AKAP9: variants seen among roughly 807,000 people sequenced by gnomAD.
The protein encoded by AKAP9 is A-kinase anchor protein 9.
In AKAP9, 311 loss-of-function variants were observed where a neutral mutation model predicts 488.5. The observed-to-expected ratio is 0.64, with a 90% CI of 0.58 to 0.70. AKAP9 has a LOEUF of 0.70. Among genes scored for constraint, AKAP9 ranks in the 30% least tolerant of loss-of-function variants. AKAP9 has a pLI of 0.00. For missense variants in AKAP9, 4,215 were observed against 4,374.5 expected (o/e 0.96, Z 1.03); for synonymous variants, 1,462 against 1,483.5 (o/e 0.99, Z 0.33).
intron 45 of AKAP9, 49 bp downstream of exon 45, chr7:92,101,105 C>T: frequency 2.5e-6 from 4 of 1,569,166 alleles, no homozygotes; most frequent in African/African-American, 2.7e-5. Context: ...TATGTTTTTG[C>T]CTTCTTTCAT....
intron 11 of AKAP9, 86 bp from the exon 12 acceptor site, chr7:92,016,931 G>A: frequency 9.3e-7 from 1 of 1,069,648 alleles, no homozygotes; most frequent in Non-Finnish European, 1.4e-6. Context: ...ATTTTTTTAA[G>A]TTATAAATAG....
chr7:92,036,566 T>C (rs1805237393), intron 16 of AKAP9, among the ~76,000 whole-genome samples: 1 of 152,240 alleles, frequency 6.6e-6, no homozygotes, highest in African/African-American at 2.4e-5. Context: ...GTGAAATAGT[T>C]CCTTTCCATT....
intron 26 of AKAP9, 84 bp from the exon 27 acceptor site, chr7:92,069,946 T>G (rs1316002230): frequency 7.2e-6 from 9 of 1,256,536 alleles, no homozygotes; most frequent in Non-Finnish European, 1.0e-5. Context: ...ATTGTAGATA[T>G]CCAAAATGAG....
chr7:91,985,290 C>G (rs960342519), intron 3 of AKAP9, among the ~76,000 whole-genome samples: 1 of 152,262 alleles, frequency 6.6e-6, no homozygotes, highest in South Asian at 2.1e-4. Flanking sequence ...TACCTCCCAT[C>G]AATACCTAGT....
rs779004603 is a variant in AKAP9, at chr7:91,980,319, G to T, written c.337G>T (p.Asp113Tyr). 1.3e-6 allele frequency: 2 copies of T among 1,580,928 alleles called. No individual in the cohort carries two copies. Among genetic ancestry groups the T allele is most frequent in the Non-Finnish European group, 1.7e-6 (2 of 1,155,978 alleles). Residue 113 changes from aspartate (D) to tyrosine (Y), a missense_variant, in exon 3 of 50, where the codon GAC becomes TAC. Physicochemically the swap from Asp to Tyr is radical, Grantham distance 160. This residue lies in a region of AKAP9 where 2,361 missense variants were observed against 2,430.0 expected (regional missense o/e 0.97). Coordinates refer to ENST00000356239, the MANE Select transcript of AKAP9 (RefSeq NM_005751.5). ...LESEISTTAD[D>Y]CSSEVNGCSF... ...AAGTGAAATTTCAACCACAGCAGAT[G>T]ACTGCAGTTCAGAGGTAAGACTAAA...
In AKAP9 at chr7:92,070,021, A is replaced by G. The variant is rs768877702; in HGVS notation, c.6331-9A>G. The G allele has an allele frequency of 8.1e-6, 13 of 1,609,466 alleles. No homozygotes were observed. Among genetic ancestry groups the G allele is most frequent in the Middle Eastern group, 1.7e-4 (1 of 5,982 alleles). ...TTTTAAATTAAATTTTTTGCCTCTT[A>G]TATTTCAGGTTGAACAGTTAGCAAA... On this transcript the variant is annotated splice_polypyrimidine_tract_variant and intron_variant, in intron 26 of 49. Coordinates refer to ENST00000356239, the MANE Select transcript of AKAP9 (RefSeq NM_005751.5).
At position 92,038,476 on chromosome 7, in the gene AKAP9, G is replaced by A. The variant is rs376262014; in HGVS notation, c.4396G>A (p.Gly1466Arg). Residue 1466 changes from glycine (G) to arginine (R), a missense_variant, in exon 17 of 50, where the codon GGG becomes AGG. Transcript: ENST00000356239. ...ACAAACTGAACTGTCTAGAATATCT[G>A]GGGGAAAAGAAAATACTGCATCATC... is the stretch of plus-strand genomic sequence containing the variant. ...AQQTELSRISGGKENTASSKQ... is the reference protein window; with the variant it reads ...AQQTELSRISRGKENTASSKQ... The A allele has an allele frequency of 1.2e-5, 19 of 1,613,752 alleles. No individual in the cohort carries two copies. The highest frequency in any genetic ancestry group is 1.6e-5 in the Non-Finnish European group (19 of 1,179,916).
chr7:92,024,873 A>G (rs930202968), intron 14 of AKAP9, among the ~76,000 whole-genome samples: 6 of 152,158 alleles, frequency 3.9e-5, no homozygotes, highest in Admixed American at 6.5e-5. Context: ...TTTGAAACCT[A>G]CATATGGGCT....
At chr7:92,089,336 A>G (rs1257786086) in intron 37 of AKAP9, 49 bp from the exon 38 acceptor site, 2 of 1,599,768 alleles carry the variant, frequency 1.3e-6, no homozygotes, top group East Asian at 2.2e-5. Context: ...TGTTAATTGT[A>G]TTGCCTTTAC....
chr7:91,983,501 G>T (rs978273070), intron 3 of AKAP9, among the ~76,000 whole-genome samples: 8 of 152,080 alleles, frequency 5.3e-5, no homozygotes, highest in East Asian at 1.9e-4. Flanking sequence ...GAATAGTGCC[G>T]CAATAAACAT....
At position 92,038,763 on chromosome 7, in the gene AKAP9, T is replaced by C. The variant is rs1554426964; in HGVS notation, c.4683T>C (p.Val1561=). 12 of 1,601,186 alleles carry C rather than the reference T, an allele frequency of 7.5e-6. No individual in the cohort carries two copies. The South Asian group carries it at 1.1e-4, about 15-fold the overall frequency. ...TCTCCAAAGATAAAACATTTATAGT[T>C]AGACAGTCTGTAAGTATGCCTCCTT... ...EMFSKDKTFI[V]RQSIHDEISV... Residue 1561 remains valine (V), a synonymous_variant, in exon 17 of 50, where the codon GTT becomes GTC. Transcript: ENST00000356239.
At position 92,002,946 on chromosome 7, in the gene AKAP9, A is replaced by G; in HGVS notation, c.3029A>G (p.Gln1010Arg). Residue 1010 changes from glutamine (Q) to arginine (R), a missense_variant, in exon 8 of 50, where the codon CAG becomes CGG. Transcript: ENST00000356239. ...AACCACAACAGGGCAGAAAATGTAC[A>G]GTCATGTGATACTCAAGTAAGCTCT... ...IINHNRAENV[Q>R]SCDTQVSSLL... 10 of 1,611,966 alleles carry G rather than the reference A, an allele frequency of 6.2e-6. No individual in the cohort carries two copies. Among genetic ancestry groups the G allele is most frequent in the Non-Finnish European group, 8.5e-6 (10 of 1,179,344 alleles).
At position 92,016,653 on chromosome 7, in the gene AKAP9, T is replaced by C. The variant is rs369142603; in HGVS notation, c.3752-364T>C. Among the ~76,000 whole-genome samples the C allele has an allele frequency of 3.3e-5, 5 of 152,182 alleles. 1 individual carries two copies. Among genetic ancestry groups the C allele is most frequent in the Non-Finnish European group, 1.5e-5 (1 of 67,934 alleles). ...GATAAACATTAAGAAATAAAAAATA[T>C]ATTAGTATCTTTCTTAATATAGATC... On this transcript the variant is annotated intron_variant, in intron 11 of 49. Transcript: ENST00000356239.
intron 40 of AKAP9, among the ~76,000 whole-genome samples, chr7:92,096,242 A>G (rs1391458062): frequency 6.6e-6 from 1 of 152,104 alleles, no homozygotes; most frequent in Non-Finnish European, 1.5e-5. Context: ...CATTTAAGTT[A>G]ATAAACTAAA....
chr7:91,982,170 T>C (rs760529432), intron 3 of AKAP9, among the ~76,000 whole-genome samples: 211 of 119,656 alleles, frequency 1.8e-3, no homozygotes, highest in Middle Eastern at 0.011. Context: ...TACGTACGTA[T>C]GTATGTATGT....
At position 92,096,912 on chromosome 7, in the gene AKAP9, G is replaced by C; in HGVS notation, c.9953G>C (p.Arg3318Thr). ...CGGGAAATGAGTAGTACCCTAGATA[G>C]GGAGCGGGAATTGCACGCACAGCTG... ...RIREMSSTLD[R>T]ERELHAQLQS... Residue 3318 changes from arginine to threonine, a missense_variant, in exon 41 of 50, where the codon AGG (arginine) becomes ACG (threonine). Around this residue, in one of 5 missense-constraint regions of AKAP9, gnomAD observed 1,476 missense variants for 1,477.4 expected, o/e 1.00. Transcript: ENST00000356239. 6.2e-7 allele frequency: 1 copy of C among 1,614,206 alleles called. No individual in the cohort carries two copies. Among genetic ancestry groups the C allele is most frequent in the Non-Finnish European group, 8.5e-7 (1 of 1,180,046 alleles).
chr7:91,942,309 T>C (rs1306836074), intron 1 of AKAP9, among the ~76,000 whole-genome samples: 4 of 152,192 alleles, frequency 2.6e-5, no homozygotes, highest in African/African-American at 7.2e-5. Context: ...GTTAAATGAA[T>C]ATATATATAA....
intron 7 of AKAP9, among the ~76,000 whole-genome samples, chr7:91,997,234 T>C (rs1584770114): frequency 6.6e-6 from 1 of 152,320 alleles, no homozygotes; most frequent in East Asian, 1.9e-4. Context: ...TGCCCTTTTC[T>C]TCACTGGAAC....
At chr7:91,952,083 C>G (rs1459803084) in intron 1 of AKAP9, among the ~76,000 whole-genome samples, 2 of 152,100 alleles carry the variant, frequency 1.3e-5, no homozygotes, top group African/African-American at 4.8e-5. Context: ...ATCCTCTACT[C>G]CATTCTTTTC....
Sources: gnomAD v4.1 joint callset for allele counts (sites outside exome capture counted in the v4.1 genomes callset) on GRCh38, gnomAD v4.1.1 for gene constraint, gnomAD v4.1.1 regional missense constraint, MANE v1.5 for transcripts, NCBI Gene and HGNC (gene_info 2026-07-23, HGNC 2026-07-21) for gene names.